Variants in TSHZ2 observed in about 807,000 individuals in gnomAD.
The protein encoded by TSHZ2 is teashirt homolog 2.
TSHZ2 carries 21 observed loss-of-function variants against 74.4 expected under a neutral mutation model. The observed-to-expected ratio is 0.28, with a 90% CI of 0.20 to 0.41. The LOEUF (loss-of-function observed/expected upper bound fraction) is 0.41. Among genes scored for constraint, TSHZ2 ranks in the 10% least tolerant of loss-of-function variants. The pLI is 1.00. For synonymous variants in TSHZ2, 540 were observed against 515.3 expected (o/e 1.05, Z -0.65); for missense variants, 1,244 against 1,293.5 (o/e 0.96, Z 0.59).
chr20:53,025,392 A>G (rs1983402587), intron 1 of TSHZ2, among the ~76,000 whole-genome samples: 1 of 152,212 alleles, frequency 6.6e-6, no homozygotes, highest in Non-Finnish European at 1.5e-5. Flanking sequence ...AAATGGCTGT[A>G]CTAGCTGAGA....
At chr20:53,165,113 A>ATGGATGGATGGG (rs1312280085) in intron 1 of TSHZ2, among the ~76,000 whole-genome samples, 46 of 152,130 alleles carry the variant, frequency 3.0e-4, no homozygotes, top group African/African-American at 9.6e-4. Context: ...GGATGGATGG[A>ATGGATGGATGGG]TGGATGGATG....
At chr20:53,409,933 G>T (rs1325040487) in intron 2 of TSHZ2, among the ~76,000 whole-genome samples, 1 of 128,280 alleles carries the variant, frequency 7.8e-6, no homozygotes, top group Non-Finnish European at 1.6e-5. Flanking sequence ...TGCAAACTCT[G>T]CCTCTTGGGT....
At chr20:53,390,576 G>T (rs1982213331) in intron 2 of TSHZ2, among the ~76,000 whole-genome samples, 2 of 152,212 alleles carry the variant, frequency 1.3e-5, no homozygotes, top group African/African-American at 4.8e-5. Flanking sequence ...GAAAGTCTTT[G>T]CTATTGTGAG....
chr20:53,466,682 T>A (rs189571548), intron 2 of TSHZ2, among the ~76,000 whole-genome samples: 22 of 152,352 alleles, frequency 1.4e-4, no homozygotes, highest in African/African-American at 7.2e-5. Context: ...ATGACAATTG[T>A]CAAGTGTTAA....
At chr20:53,002,752 A>G (rs953400425) in intron 1 of TSHZ2, among the ~76,000 whole-genome samples, 4 of 152,230 alleles carry the variant, frequency 2.6e-5, no homozygotes, top group African/African-American at 9.6e-5. Context: ...TTTGGGACCT[A>G]CGGGCAAGCT....
At chr20:53,407,745 T>C (rs1295365794) in intron 2 of TSHZ2, among the ~76,000 whole-genome samples, 1 of 152,310 alleles carries the variant, frequency 6.6e-6, no homozygotes, top group South Asian at 2.1e-4. Flanking sequence ...GGCCTTCACA[T>C]GCAGGTTGCC....
At chr20:53,373,156 A>C (rs556178276) in intron 2 of TSHZ2, among the ~76,000 whole-genome samples, 66 of 152,376 alleles carry the variant, frequency 4.3e-4, no homozygotes, top group African/African-American at 1.6e-3. Context: ...ATTCAAAAAT[A>C]AGGAGATTAG....
intron 1 of TSHZ2, among the ~76,000 whole-genome samples, chr20:53,210,379 G>C (rs545482305): frequency 1.7e-3 from 264 of 152,272 alleles, no homozygotes; most frequent in African/African-American, 4.5e-3. Flanking sequence ...GGATTTTATC[G>C]AGCGGTGGAG....
Position 53,169,842 on chromosome 20 carries a change from ATTATAC to A in TSHZ2, c.41-83652_41-83647del, listed in dbSNP as rs1988152679. The stretch of plus-strand genomic sequence containing the variant: ...GTATGTGCCTATATATACATTGTAT[ATTATAC>A]TTATGTAAAGGTATTTATACACAGT... On this transcript the variant is annotated intron_variant, in intron 1 of 2. Transcript: ENST00000371497. Among the ~76,000 whole-genome samples, 2 of 152,348 alleles carry A rather than the reference ATTATAC, an allele frequency of 1.3e-5. 1 individual carries two copies. Among genetic ancestry groups the A allele is most frequent in the East Asian group, 3.9e-4 (2 of 5,182 alleles).
chr20:53,290,409 AT>A lies in TSHZ2; in HGVS notation c.*8+33846del, dbSNP rs993518309. 7.6e-4 allele frequency among the ~76,000 whole-genome samples: 115 copies of A among 152,084 alleles called. 1 individual carries two copies. Among genetic ancestry groups the A allele is most frequent in the East Asian group, 3.5e-3 (18 of 5,178 alleles). On this transcript the variant is annotated intron_variant, in intron 2 of 2. Coordinates refer to ENST00000371497, the MANE Select transcript of TSHZ2 (RefSeq NM_173485.6). ...AGTACTCTAAATCAAAAACTAAGTA[AT>A]TTTTTTTAATTGAGCAAACATTTAT...
intron 2 of TSHZ2, among the ~76,000 whole-genome samples, chr20:53,262,761 C>T (rs1347785082): frequency 6.6e-6 from 1 of 152,166 alleles, no homozygotes; most frequent in Non-Finnish European, 1.5e-5. Flanking sequence ...TGTGCAGTTG[C>T]TTTCTTTCCC....
At chr20:53,237,854 A>T (rs1310156508) in intron 1 of TSHZ2, among the ~76,000 whole-genome samples, 1 of 152,166 alleles carries the variant, frequency 6.6e-6, no homozygotes. Context: ...TATGCAGATT[A>T]TTGACACAAT....
chr20:52,995,786 TA>T (rs1481531425), intron 1 of TSHZ2, among the ~76,000 whole-genome samples: 3 of 119,280 alleles, frequency 2.5e-5, no homozygotes, highest in Non-Finnish European at 5.7e-5. Flanking sequence ...CTAATTTTTG[TA>T]TTTTTTTTTT....
At chr20:53,145,649 G>C (rs1309207200) in intron 1 of TSHZ2, among the ~76,000 whole-genome samples, 1 of 152,158 alleles carries the variant, frequency 6.6e-6, no homozygotes, top group African/African-American at 2.4e-5. Flanking sequence ...AGGATGCTGG[G>C]GTAGTTTTTA....
intron 1 of TSHZ2, among the ~76,000 whole-genome samples, chr20:53,238,763 G>A (rs948073217): frequency 1.4e-4 from 20 of 144,210 alleles, no homozygotes; most frequent in Admixed American, 3.6e-4. Flanking sequence ...TTTCCAATGT[G>A]TCTGTAAGGG....
chr20:53,362,586 A>G (rs924835050), intron 2 of TSHZ2, among the ~76,000 whole-genome samples: 1 of 152,180 alleles, frequency 6.6e-6, no homozygotes, highest in Non-Finnish European at 1.5e-5. Flanking sequence ...TGTTCAGCAT[A>G]TCAAAAACTC....
chr20:53,012,470 C>A (rs1982885671), intron 1 of TSHZ2, among the ~76,000 whole-genome samples: 1 of 152,156 alleles, frequency 6.6e-6, no homozygotes, highest in African/African-American at 2.4e-5. Context: ...TTTCATTTAA[C>A]AAGATCCGCA....
At chr20:53,150,221 G>C (rs2123438076) in intron 1 of TSHZ2, among the ~76,000 whole-genome samples, 1 of 152,238 alleles carries the variant, frequency 6.6e-6, no homozygotes, top group South Asian at 2.1e-4. Context: ...GGATAGTTGG[G>C]GTCTGGAGTC....
chr20:53,382,096 C>T (rs1981881317), intron 2 of TSHZ2, among the ~76,000 whole-genome samples: 1 of 152,164 alleles, frequency 6.6e-6, no homozygotes, highest in Non-Finnish European at 1.5e-5. Context: ...CTTTGCCCCT[C>T]AAACTTACCT....
Sources: allele counts gnomAD v4.1 joint callset (sites outside exome capture counted in the v4.1 genomes callset), GRCh38; gene constraint gnomAD v4.1.1; transcripts MANE v1.5; gene names NCBI Gene and HGNC (gene_info 2026-07-23, HGNC 2026-07-21).